MSH3: variants seen among roughly 807,000 people sequenced by gnomAD.
MSH3 encodes DNA mismatch repair protein Msh3.
MSH3 carries 106 observed loss-of-function variants against 123.3 expected under a neutral mutation model. The observed-to-expected ratio is 0.86, with a 90% CI of 0.73 to 1.01. The LOEUF (loss-of-function observed/expected upper bound fraction) is 1.01, where lower values mean the gene tolerates loss of function less well. Among genes scored for constraint, MSH3 ranks in the 50% least tolerant of loss-of-function variants. The probability of loss-of-function intolerance (pLI) is 0.00; values close to 1 mark genes in which losing one functional copy is unlikely to be tolerated. For missense variants in MSH3, 1,459 were observed against 1,347.6 expected (o/e 1.08, Z -1.29); for synonymous variants, 515 against 481.4 (o/e 1.07, Z -0.91).
At chr5:80,768,659 T>C (rs534158139) in intron 14 of MSH3, among the ~76,000 whole-genome samples, 176 bp from the exon 15 acceptor site, 1 of 152,272 alleles carries the variant, frequency 6.6e-6, no homozygotes, top group Non-Finnish European at 1.5e-5. Context: ...GATTTTAGGG[T>C]AATTTTGACC....
chr5:80,751,226 G>T (rs963425720), intron 12 of MSH3, among the ~76,000 whole-genome samples: 5 of 152,158 alleles, frequency 3.3e-5, no homozygotes, highest in Admixed American at 6.5e-5. Flanking sequence ...TTTGAAAAGA[G>T]CTTCTATCAG....
intron 2 of MSH3, among the ~76,000 whole-genome samples, chr5:80,657,259 G>C (rs1009787328): frequency 5.3e-5 from 8 of 152,124 alleles, no homozygotes; most frequent in African/African-American, 1.7e-4. Flanking sequence ...TGGCCAACAT[G>C]GTGAAATCCC....
At chr5:80,666,339 T>G (rs914212683) in intron 3 of MSH3, among the ~76,000 whole-genome samples, 2 of 152,186 alleles carry the variant, frequency 1.3e-5, no homozygotes, top group Non-Finnish European at 2.9e-5. Context: ...GCCTTTTTCT[T>G]CAGAAAAATT....
intron 20 of MSH3, among the ~76,000 whole-genome samples, chr5:80,816,963 G>C (rs564955404): frequency 2.6e-5 from 4 of 152,188 alleles, no homozygotes; most frequent in Non-Finnish European, 5.9e-5. Context: ...ATAAAGTTTA[G>C]ATTTCAGACA....
In MSH3 at chr5:80,766,339, CTTTTTTTTTTT is replaced by C. The variant is rs1166492002; in HGVS notation, c.1897-1580_1897-1570del. Among the ~76,000 whole-genome samples the C allele has an allele frequency of 4.1e-4, 32 of 78,230 alleles. 1 individual carries two copies. Among genetic ancestry groups the C allele is most frequent in the South Asian group, 2.7e-3 (6 of 2,238 alleles). 51.3% of individuals were successfully genotyped at this position (78,230 alleles called of 152,430 possible). On this transcript the variant is annotated intron_variant, in intron 13 of 23. Coordinates refer to ENST00000265081, the MANE Select transcript of MSH3 (RefSeq NM_002439.5). ...TCTTCTTTTCTAGTGTGTTTTTTTC[CTTTTTTTTTTT>C]TTTTTTTTTTTTTGAGACGGAATCT...
At chr5:80,692,577 T>C (rs947894865) in intron 8 of MSH3, among the ~76,000 whole-genome samples, 1 of 120,728 alleles carries the variant, frequency 8.3e-6, no homozygotes, top group Non-Finnish European at 1.8e-5. Context: ...TATGTTTATA[T>C]AGAGAGATAA....
chr5:80,849,796 A>G (rs1372014803), intron 20 of MSH3, among the ~76,000 whole-genome samples: 5 of 152,060 alleles, frequency 3.3e-5, no homozygotes, highest in Non-Finnish European at 7.4e-5. Flanking sequence ...ACATGCCTGG[A>G]GACATTTTCC....
intron 8 of MSH3, among the ~76,000 whole-genome samples, chr5:80,702,467 G>A (rs1750633277): frequency 6.6e-6 from 1 of 152,186 alleles, no homozygotes; most frequent in Admixed American, 6.5e-5. Flanking sequence ...GCCACTGGGA[G>A]CAGAGGAGTG....
At chr5:80,735,556 G>A (rs1002331585) in intron 10 of MSH3, among the ~76,000 whole-genome samples, 3 of 151,378 alleles carry the variant, frequency 2.0e-5, no homozygotes, top group African/African-American at 7.3e-5. Context: ...CACTGGTGGC[G>A]GGCACCTGTA....
chr5:80,662,581 C>G (rs1026508860), intron 2 of MSH3, among the ~76,000 whole-genome samples: 1 of 152,094 alleles, frequency 6.6e-6, no homozygotes, highest in African/African-American at 2.4e-5. Context: ...AATCACAGCA[C>G]TTTGGGAGGC....
At chr5:80,790,945 T>G (rs1744595917) in intron 18 of MSH3, among the ~76,000 whole-genome samples, 1 of 152,164 alleles carries the variant, frequency 6.6e-6, no homozygotes, top group African/African-American at 2.4e-5. Flanking sequence ...CTAGGTGAAT[T>G]TTCTCAAACT....
intron 8 of MSH3, among the ~76,000 whole-genome samples, chr5:80,696,485 GT>G (rs1174542351): frequency 6.6e-6 from 1 of 152,138 alleles, no homozygotes; most frequent in Non-Finnish European, 1.5e-5. Context: ...TTTTTTGTCT[GT>G]GCCTGTTGGT....
intron 23 of MSH3, 54 bp downstream of exon 23, chr5:80,873,341 C>G (rs1298657500): frequency 6.3e-7 from 1 of 1,585,974 alleles, no homozygotes; most frequent in East Asian, 2.2e-5. Flanking sequence ...TCTAAGTTGT[C>G]CAAGAAAGAG....
At chr5:80,844,990 T>C (rs943260433) in intron 20 of MSH3, among the ~76,000 whole-genome samples, 15 of 152,244 alleles carry the variant, frequency 9.9e-5, no homozygotes, top group African/African-American at 3.6e-4. Flanking sequence ...AGTTTCTTCA[T>C]AGCGTCAATG....
At chr5:80,766,880 C>T (rs1744133137) in intron 13 of MSH3, among the ~76,000 whole-genome samples, 1 of 152,000 alleles carries the variant, frequency 6.6e-6, no homozygotes, top group African/African-American at 2.4e-5. Flanking sequence ...TGTGTTACCT[C>T]CTAAAATTTT....
At chr5:80,691,029 A>G (rs1750232859) in intron 8 of MSH3, among the ~76,000 whole-genome samples, 1 of 151,944 alleles carries the variant, frequency 6.6e-6, no homozygotes. Context: ...TGATTAATAA[A>G]TGTTATTCAT....
intron 19 of MSH3, among the ~76,000 whole-genome samples, chr5:80,812,180 C>A (rs1029147668): frequency 2.0e-5 from 3 of 152,152 alleles, no homozygotes; most frequent in African/African-American, 7.2e-5. Flanking sequence ...ATTAGGGAGA[C>A]TGGAAATGTG....
intron 15 of MSH3, among the ~76,000 whole-genome samples, chr5:80,773,202 G>T (rs964054314): frequency 1.3e-5 from 2 of 152,110 alleles, no homozygotes; most frequent in Non-Finnish European, 2.9e-5. Flanking sequence ...CCTGAATTTT[G>T]CTGTTTGCCT....
chr5:80,669,603 A>G (rs762249750), intron 3 of MSH3, among the ~76,000 whole-genome samples: 4 of 152,128 alleles, frequency 2.6e-5, no homozygotes, highest in Non-Finnish European at 5.9e-5. Flanking sequence ...TTCTTTCTAT[A>G]AGAATTTATA....
Sources: gnomAD v4.1 joint callset for allele counts (sites outside exome capture counted in the v4.1 genomes callset) on GRCh38, gnomAD v4.1.1 for gene constraint, MANE v1.5 for transcripts, NCBI Gene and HGNC (gene_info 2026-07-23, HGNC 2026-07-21) for gene names.